The following SCRT2 variants were observed in gnomAD, a reference collection of about 807,000 sequenced individuals.
The protein encoded by SCRT2 is scratch family transcriptional repressor 2.
A neutral mutation model predicts 3.7 loss-of-function variants in SCRT2; 2 were observed. The observed-to-expected ratio is 0.54, with a 90% confidence interval of 0.22 to 1.70. The LOEUF (loss-of-function observed/expected upper bound fraction) is 1.70. Ranked by LOEUF, SCRT2 falls within the 40% of genes most tolerant of loss-of-function variation. The probability of loss-of-function intolerance (pLI) is 0.19; values close to 1 mark genes in which losing one functional copy is unlikely to be tolerated. For synonymous variants in SCRT2, 256 were observed against 220.6 expected, an observed-to-expected ratio of 1.16 and a Z score of -1.42; for missense variants, 456 against 468.5, an observed-to-expected ratio of 0.97 and a Z score of 0.25.
intron 1 of SCRT2, among the ~76,000 whole-genome samples, chr20:670,191 A>T (rs976365940): frequency 9.2e-5 from 14 of 152,058 alleles, no homozygotes; most frequent in South Asian, 2.1e-4. Context: ...CAGGGTCTTC[A>T]TTTGCCCAGC....
At chr20:669,865 C>A (rs1984275155) in intron 1 of SCRT2, among the ~76,000 whole-genome samples, 1 of 152,216 alleles carries the variant, frequency 6.6e-6, no homozygotes, top group Non-Finnish European at 1.5e-5. Context: ...CACCCACCTC[C>A]TCCAAAGGCC....
In SCRT2 at chr20:664,165, GCCCCGCGCGCCCCCCGGCGCC is replaced by G. The variant is rs770396553; in HGVS notation, c.409_429del (p.Gly137_Gly143del). 75 of 1,079,366 alleles carry G rather than the reference GCCCCGCGCGCCCCCCGGCGCC, an allele frequency of 6.9e-5. No individual in the cohort carries two copies. Among genetic ancestry groups the G allele is most frequent in the East Asian group, 4.8e-4 (8 of 16,762 alleles). 66.9% of individuals were successfully genotyped at this position (1,079,366 alleles called of 1,614,324 possible). A position where few individuals can be genotyped will look rare whatever the true frequency, so the allele number is the denominator to read the frequency against. On this transcript the variant is annotated inframe_deletion, in exon 2 of 2. Transcript: ENST00000246104. The surrounding 1 kb of genome is among the most constrained non-coding windows in gnomAD (Gnocchi z 7.9). ...CCGCCGCCCGCCTGCGCCCCCGCGC[GCCCCGCGCGCCCCCCGGCGCC>G]CCCCGCGTCTCCCGAGCCCCCCGCG... is the stretch of plus-strand genomic sequence containing the variant.
In SCRT2 at chr20:662,254, C is replaced by T. The variant is rs1462381838; in HGVS notation, c.*1417G>A. 1 of 152,810 alleles carries T rather than the reference C, an allele frequency of 6.5e-6. No individual in the cohort carries two copies. Among genetic ancestry groups the T allele is most frequent in the East Asian group, 1.9e-4 (1 of 5,190 alleles). The allele number at this position is 152,810 out of a possible 1,614,324, so 9.5% of individuals were successfully genotyped here. On this transcript the variant is annotated 3_prime_UTR_variant, in exon 2 of 2. Transcript: ENST00000246104. ...CCAGCGGGTCCGGGGCTCAGTCGGT[C>T]CCTGGAACCTGGGGTCCCTCGGGAA...
In SCRT2 at chr20:663,704, T is replaced by C. The variant is rs747139533; in HGVS notation, c.891A>G (p.Pro297=). 2.7e-6 allele frequency: 4 copies of C among 1,507,828 alleles called. No individual in the cohort carries two copies. In the African/African-American group the frequency reaches 5.7e-5, roughly 21 times the overall value. 93.4% of individuals were successfully genotyped at this position (1,507,828 alleles called of 1,614,324 possible). A position where few individuals can be genotyped will look rare whatever the true frequency, so the allele number is the denominator to read the frequency against. ...CCGGGCCGGCGGGGGTCGGCGGGGG[T>C]GGCTCGGCCGCCTTGGCGCAGGCCG... is the stretch of plus-strand genomic sequence containing the variant. ...CEAACAKAAE[P]PPPTPAGPAS is the part of the protein sequence containing the mutation. Residue 297 remains proline (P), a synonymous_variant, in exon 2 of 2, where the codon CCA becomes CCG. Coordinates refer to ENST00000246104, the MANE Select transcript of SCRT2 (RefSeq NM_033129.4). The surrounding 1 kb of genome is among the most constrained non-coding windows in gnomAD (Gnocchi z 6.9).
In SCRT2 at chr20:664,243, A is replaced by G; in HGVS notation, c.352T>C (p.Ser118Pro). Residue 118 changes from serine to proline, a missense_variant, in exon 2 of 2, where the codon TCG (serine) becomes CCG (proline). Coordinates refer to ENST00000246104, the MANE Select transcript of SCRT2 (RefSeq NM_033129.4). This position sits in a 1 kb window ranked among gnomAD's most constrained non-coding sequence, Gnocchi z 7.9. ...CCGCCCCCGCCCCGCCGCCGCCGCG[A>G]GCGCCCGTCCGAGATGAAGAAGGCG... The part of the protein sequence containing the change: ...MDAFFISDGR[S>P]RRRRGGGGGD... The G allele has an allele frequency of 7.5e-7, 1 of 1,336,520 alleles. No homozygotes were observed. Among genetic ancestry groups the G allele is most frequent in the African/African-American group, 1.5e-5 (1 of 66,842 alleles). 82.8% of individuals were successfully genotyped at this position (1,336,520 alleles called of 1,614,324 possible).
rs6117007 is a variant in SCRT2 at position 665,040 on chromosome 20, C to T, written c.134-579G>A. 0.015 allele frequency among the ~76,000 whole-genome samples: 2,344 copies of T among 152,332 alleles called. 60 individuals carry two copies. Among genetic ancestry groups the T allele is most frequent in the African/African-American group, 0.053 (2,196 of 41,560 alleles). On this transcript the variant is annotated intron_variant, in intron 1 of 1. Coordinates refer to ENST00000246104, the MANE Select transcript of SCRT2 (RefSeq NM_033129.4). The surrounding 1 kb of genome is among the most constrained non-coding windows in gnomAD (Gnocchi z 5.0). The stretch of plus-strand genomic sequence containing the variant: ...GCTCTTACTGTTTGCCAGACTCTGC[C>T]TCGGTGCTTTACGCATGTTAACTCT...
In SCRT2 at chr20:666,952, G is replaced by C. The variant is rs974361974; in HGVS notation, c.134-2491C>G. Among the ~76,000 whole-genome samples, 1 of 152,130 alleles carries C rather than the reference G, an allele frequency of 6.6e-6. No homozygotes were observed. The highest frequency in any genetic ancestry group is 2.4e-5 in the African/African-American group (1 of 41,418). The stretch of plus-strand genomic sequence containing the variant: ...ATGGGATTTATCTGGAGGGGTGACT[G>C]ATCACGTAACCAGTGCTTTGAGTTC... On this transcript the variant is annotated intron_variant, in intron 1 of 1. Coordinates refer to ENST00000246104, the MANE Select transcript of SCRT2 (RefSeq NM_033129.4). The surrounding 1 kb of genome is among the most constrained non-coding windows in gnomAD (Gnocchi z 4.4).
rs543993865 is a variant in SCRT2 at position 663,339 on chromosome 20, T to C, written c.*332A>G. 1 of 310,136 alleles carries C rather than the reference T, an allele frequency of 3.2e-6. No individual in the cohort carries two copies. Among genetic ancestry groups the C allele is most frequent in the East Asian group, 5.4e-5 (1 of 18,570 alleles). 19.2% of individuals were successfully genotyped at this position (310,136 alleles called of 1,614,324 possible). Reference sequence around the variant, plus strand: ...TAGAAGTTAGAAGAGCAGCGCGGGGTCTGGGAGGGAGAAATTTCCGGCTCT... The same window carrying C: ...TAGAAGTTAGAAGAGCAGCGCGGGGCCTGGGAGGGAGAAATTTCCGGCTCT... On this transcript the variant is annotated 3_prime_UTR_variant, in exon 2 of 2. Transcript: ENST00000246104. This position sits in a 1 kb window ranked among gnomAD's most constrained non-coding sequence, Gnocchi z 6.9.
chr20:672,411 GTGTGTGTGT>G (rs1336390604), intron 1 of SCRT2, among the ~76,000 whole-genome samples: 2 of 151,716 alleles, frequency 1.3e-5, no homozygotes. Flanking sequence ...GTGTGTGTGT[GTGTGTGTGT>G]GTGCGCGCGT....
intron 1 of SCRT2, among the ~76,000 whole-genome samples, chr20:672,494 C>A (rs1417907532): frequency 6.6e-6 from 1 of 151,894 alleles, no homozygotes; most frequent in Non-Finnish European, 1.5e-5. Context: ...CTCAGGCATT[C>A]CCAGAGCTGG....
Position 675,405 on chromosome 20 carries a change from GGGGA to G in SCRT2, c.133+60_133+63del. ...CGCGCCCCTCCTCGTGGCCCAAGCTGGGGAGGGCCCCAGCTCCCCTCGCCTCTTC... is the reference window on the plus strand; with the variant it reads ...CGCGCCCCTCCTCGTGGCCCAAGCTGGGGCCCCAGCTCCCCTCGCCTCTTC... On this transcript the variant is annotated intron_variant, in intron 1 of 1. Coordinates refer to ENST00000246104, the MANE Select transcript of SCRT2 (RefSeq NM_033129.4). The surrounding 1 kb of genome is among the most constrained non-coding windows in gnomAD (Gnocchi z 6.9). 1 of 1,230,472 alleles carries G rather than the reference GGGGA, an allele frequency of 8.1e-7. No homozygotes were observed. The highest frequency in any genetic ancestry group is 1.0e-6 in the Non-Finnish European group (1 of 966,984). The allele number at this position is 1,230,472 out of a possible 1,614,324, so 76.2% of individuals were successfully genotyped here. A position where few individuals can be genotyped will look rare whatever the true frequency, so the allele number is the denominator to read the frequency against.
chr20:665,481 C>T lies in SCRT2; in HGVS notation c.134-1020G>A, dbSNP rs1201020238. Among the ~76,000 whole-genome samples, 1 of 152,224 alleles carries T rather than the reference C, an allele frequency of 6.6e-6. No homozygotes were observed. The highest frequency in any genetic ancestry group is 1.5e-5 in the Non-Finnish European group (1 of 68,032). On this transcript the variant is annotated intron_variant, in intron 1 of 1. Coordinates refer to ENST00000246104, the MANE Select transcript of SCRT2 (RefSeq NM_033129.4). This position sits in a 1 kb window ranked among gnomAD's most constrained non-coding sequence, Gnocchi z 5.0. Reference sequence around the variant, plus strand: ...GAGAATTCCCCTCCCCCTCCTCCTCCCACTTAGCTGGAGTTGGACCAGGAA... The same window carrying T: ...GAGAATTCCCCTCCCCCTCCTCCTCTCACTTAGCTGGAGTTGGACCAGGAA...
Position 664,161 on chromosome 20 carries a change from G to A in SCRT2, c.434C>T (p.Ala145Val). ...GTGCCCGCCGCCCGCCTGCGCCCCC[G>A]CGCGCCCCGCGCGCCCCCCGGCGCC... Reference protein sequence around the residue: ...AGGAGGRAGRAGAQAGGGHRH... With the variant: ...AGGAGGRAGRVGAQAGGGHRH... The change falls in exon 2 of 2, where the codon GCG (alanine) becomes GTG (valine). Residue 145 changes from alanine to valine, a missense_variant. By Grantham distance (64) the Ala-to-Val change is moderately conservative. Coordinates refer to ENST00000246104, the MANE Select transcript of SCRT2 (RefSeq NM_033129.4). The surrounding 1 kb of genome is among the most constrained non-coding windows in gnomAD (Gnocchi z 7.9). 1 of 1,070,478 alleles carries A rather than the reference G, an allele frequency of 9.3e-7. No homozygotes were observed. Among genetic ancestry groups the A allele is most frequent in the Non-Finnish European group, 1.1e-6 (1 of 885,722 alleles). 66.3% of individuals were successfully genotyped at this position (1,070,478 alleles called of 1,614,324 possible).
rs1301450000 is a variant in SCRT2 at position 666,018 on chromosome 20, A to G, written c.134-1557T>C. 6.6e-6 allele frequency among the ~76,000 whole-genome samples: 1 copy of G among 152,142 alleles called. No individual in the cohort carries two copies. The highest frequency in any genetic ancestry group is 1.5e-5 in the Non-Finnish European group (1 of 68,024). ...CTTTGCCTCTCATCTGGAGTTTGGG[A>G]TGGACACAGGGTGAAGTCTGTGTGC... On this transcript the variant is annotated intron_variant, in intron 1 of 1. Transcript: ENST00000246104. The surrounding 1 kb of genome is among the most constrained non-coding windows in gnomAD (Gnocchi z 4.4).
At position 664,732 on chromosome 20, in the gene SCRT2, A is replaced by C. The variant is rs1243331478; in HGVS notation, c.134-271T>G. On this transcript the variant is annotated intron_variant, in intron 1 of 1. Transcript: ENST00000246104. This position sits in a 1 kb window ranked among gnomAD's most constrained non-coding sequence, Gnocchi z 7.9. ...AGCGTACCTTCACTATCCAGTGCTC[A>C]CAACCGCGGAGTGATGGTCTTATAA... 6.6e-6 allele frequency among the ~76,000 whole-genome samples: 1 copy of C among 152,222 alleles called. No individual in the cohort carries two copies. Among genetic ancestry groups the C allele is most frequent in the African/African-American group, 2.4e-5 (1 of 41,458 alleles).
chr20:662,439 A>G lies in SCRT2; in HGVS notation c.*1232T>C. ...TCAGCAAGCTGCCCCCCCATTCTCG[A>G]GTCCCCTTCCTTAGCGAGTGCAGGC... On this transcript the variant is annotated 3_prime_UTR_variant, in exon 2 of 2. Transcript: ENST00000246104. 6.6e-6 allele frequency: 1 copy of G among 152,430 alleles called. No individual in the cohort carries two copies. The highest frequency in any genetic ancestry group is 1.5e-5 in the Non-Finnish European group (1 of 68,220). The allele number at this position is 152,430 out of a possible 1,614,324, so 9.4% of individuals were successfully genotyped here.
intron 1 of SCRT2, among the ~76,000 whole-genome samples, chr20:669,144 C>G (rs1984250188): frequency 2.1e-5 from 2 of 93,514 alleles, no homozygotes; most frequent in African/African-American, 4.2e-5. Context: ...TGGGTGGGGG[C>G]ACGGGGTGGT....
At chr20:670,862 A>G (rs948747853) in intron 1 of SCRT2, among the ~76,000 whole-genome samples, 2 of 152,304 alleles carry the variant, frequency 1.3e-5, no homozygotes, top group South Asian at 4.1e-4. Context: ...CAGATTCCAT[A>G]TCTCACATGG....
At position 664,170 on chromosome 20, in the gene SCRT2, GCGCGCCCCCCGGCGCCCCC is replaced by G; in HGVS notation, c.406_424del (p.Gly136ArgfsTer29). ...GCCCGCCTGCGCCCCCGCGCGCCCC[GCGCGCCCCCCGGCGCCCCC>G]CGCGTCTCCCGAGCCCCCCGCGTCC... On this transcript the variant is annotated frameshift_variant, in exon 2 of 2. Coordinates refer to ENST00000246104, the MANE Select transcript of SCRT2 (RefSeq NM_033129.4). LOFTEE classifies it low-confidence loss of function (END_TRUNC). The surrounding 1 kb of genome is among the most constrained non-coding windows in gnomAD (Gnocchi z 7.9). 1 of 1,084,978 alleles carries G rather than the reference GCGCGCCCCCCGGCGCCCCC, an allele frequency of 9.2e-7. No homozygotes were observed. Among genetic ancestry groups the G allele is most frequent in the Non-Finnish European group, 1.1e-6 (1 of 895,120 alleles). 67.2% of individuals were successfully genotyped at this position (1,084,978 alleles called of 1,614,324 possible).
Sources: gnomAD v4.1 joint callset for allele counts (sites outside exome capture counted in the v4.1 genomes callset) on GRCh38, gnomAD v4.1.1 for gene constraint, Gnocchi (gnomAD v3.1) non-coding constraint, MANE v1.5 for transcripts, NCBI Gene and HGNC (gene_info 2026-07-23, HGNC 2026-07-21) for gene names.